The following NR5A1 variants were observed in gnomAD, a reference collection of about 807,000 sequenced individuals.
NR5A1 encodes the protein steroidogenic factor 1.
In NR5A1, 6 loss-of-function variants were observed where a neutral mutation model predicts 42.7. The ratio of observed to expected loss-of-function variants is 0.14; its 90% confidence interval spans 0.08 to 0.28. The LOEUF (loss-of-function observed/expected upper bound fraction) is 0.28. Among genes scored for constraint, NR5A1 ranks in the 10% least tolerant of loss-of-function variants. The probability of loss-of-function intolerance (pLI) is 1.00; values close to 1 mark genes in which losing one functional copy is unlikely to be tolerated. For missense variants in NR5A1, 442 were observed against 626.4 expected, an observed-to-expected ratio of 0.71 and a Z score of 3.14; for synonymous variants, 274 against 277.5, an observed-to-expected ratio of 0.99 and a Z score of 0.12.
At chr9:124,504,029 AGAGAGAGAGAGAGAGAGAGAGAC>A (rs1226398798) in intron 1 of NR5A1, among the ~76,000 whole-genome samples, 2 of 130,366 alleles carry the variant, frequency 1.5e-5, no homozygotes, top group African/African-American at 8.3e-5. Context: ...GGAGACAGAG[AGAGAGAGAGAGAGAGAGAGAGAC>A]GAGAGAGAGA....
In NR5A1 at chr9:124,503,075, G is replaced by T; in HGVS notation, c.244+4C>A. ...TCAGGGGTCGAGGCCCGCGCGGCGC[G>T]CACCTTCCAGGCGCATCCCCACCGT... On this transcript the variant is annotated splice_donor_region_variant and intron_variant, in intron 3 of 6. Coordinates refer to ENST00000373588, the MANE Select transcript of NR5A1 (RefSeq NM_004959.5). The surrounding 1 kb of genome is among the most constrained non-coding windows in gnomAD (Gnocchi z 9.6). 6.4e-7 allele frequency: 1 copy of T among 1,572,024 alleles called. No homozygotes were observed. Among genetic ancestry groups the T allele is most frequent in the Non-Finnish European group, 8.6e-7 (1 of 1,162,366 alleles).
chr9:124,493,190 G>C (rs765216676), intron 4 of NR5A1, 41 bp from the exon 5 acceptor site: 2 of 1,596,710 alleles, frequency 1.3e-6, no homozygotes, highest in Middle Eastern at 1.7e-4. Flanking sequence ...CTCCAGCCAG[G>C]GTCCAGGGAC....
chr9:124,500,196 C>T lies in NR5A1; in HGVS notation c.764G>A (p.Arg255His), dbSNP rs104894118. 18 of 1,609,834 alleles carry T rather than the reference C, an allele frequency of 1.1e-5. No individual in the cohort carries two copies. The highest frequency in any genetic ancestry group is 5.3e-5 in the African/African-American group (4 of 74,846). ...LGCLQEPTKSRPDQPAAFGLL... is the reference protein window; with the variant it reads ...LGCLQEPTKSHPDQPAAFGLL... ...GCCGAAGGCCGCCGGCTGGTCGGGG[C>T]GGCTTTTGGTGGGCTCCTGCAGGCA... Residue 255 changes from arginine to histidine, a missense_variant, in exon 4 of 7, where the codon CGC becomes CAC. Arg to His is a conservative substitution (Grantham distance 29, BLOSUM62 0). Around this residue, in one of 3 missense-constraint regions of NR5A1, gnomAD observed 208 missense variants for 203.8 expected, o/e 1.02. Coordinates refer to ENST00000373588, the MANE Select transcript of NR5A1 (RefSeq NM_004959.5). This position sits in a 1 kb window ranked among gnomAD's most constrained non-coding sequence, Gnocchi z 6.9.
At chr9:124,492,050 CG>C (rs1018301842) in intron 5 of NR5A1, among the ~76,000 whole-genome samples, 6 of 152,148 alleles carry the variant, frequency 3.9e-5, no homozygotes, top group Non-Finnish European at 7.4e-5. Flanking sequence ...CCTCCTGCCC[CG>C]ATGGCCTGTG....
At chr9:124,491,041 C>G in intron 6 of NR5A1, 40 bp downstream of exon 6, 1 of 1,509,668 alleles carries the variant, frequency 6.6e-7, no homozygotes, top group Non-Finnish European at 8.9e-7. Flanking sequence ...CCACCCGCCT[C>G]TGGCTGTCTC....
intron 4 of NR5A1, among the ~76,000 whole-genome samples, chr9:124,499,410 C>T (rs944254012): frequency 6.6e-6 from 1 of 152,216 alleles, no homozygotes; most frequent in African/African-American, 2.4e-5. Flanking sequence ...AATCCCCCAC[C>T]CACCTACCTA....
intron 3 of NR5A1, 123 bp downstream of exon 3, chr9:124,502,956 T>G: frequency 7.6e-7 from 1 of 1,316,220 alleles, no homozygotes; most frequent in Non-Finnish European, 1.0e-6. Flanking sequence ...GACTGGGCCC[T>G]AATGTCGCAC....
rs866181841 is a variant in NR5A1, at chr9:124,496,321, G to A, written c.871-3172C>T. On this transcript the variant is annotated intron_variant, in intron 4 of 6. Transcript: ENST00000373588. This position sits in a 1 kb window ranked among gnomAD's most constrained non-coding sequence, Gnocchi z 5.0. ...CAGAGAGGGTTGGTTTTCACTTTCCGAAGTTTCCTCCCTAAGCTAAAGGCT... is the reference window on the plus strand; with the variant it reads ...CAGAGAGGGTTGGTTTTCACTTTCCAAAGTTTCCTCCCTAAGCTAAAGGCT... Among the ~76,000 whole-genome samples the A allele has an allele frequency of 1.1e-4, 17 of 152,236 alleles. 1 individual carries two copies. Among genetic ancestry groups the A allele is most frequent in the Middle Eastern group, 3.4e-3 (1 of 294 alleles).
chr9:124,487,937 C>T (rs1487979149), intron 6 of NR5A1, among the ~76,000 whole-genome samples: 1 of 152,184 alleles, frequency 6.6e-6, no homozygotes, highest in Non-Finnish European at 1.5e-5. Context: ...TGATAAAATG[C>T]GAATTTCATC....
intron 6 of NR5A1, 53 bp downstream of exon 6, chr9:124,491,028 C>CCCCCCCCCCCCCCCCGGGGGGGGG: frequency 9.7e-7 from 1 of 1,031,966 alleles, no homozygotes; most frequent in South Asian, 1.4e-5. Flanking sequence ...CCCACCCTCC[C>CCCCCCCCCCCCCCCCGGGGGGGGG]ACCCACCCGC....
intron 6 of NR5A1, among the ~76,000 whole-genome samples, chr9:124,489,924 C>T (rs564729203): frequency 6.6e-6 from 1 of 152,260 alleles, no homozygotes; most frequent in East Asian, 1.9e-4. Context: ...GTCACCAATC[C>T]CACCCAAGCA....
intron 1 of NR5A1, among the ~76,000 whole-genome samples, chr9:124,504,024 C>CAGAGAGAGAGGGAGAGAG (rs1832509191): frequency 9.4e-6 from 1 of 105,910 alleles, no homozygotes; most frequent in African/African-American, 5.9e-5. Flanking sequence ...GACAGGGAGA[C>CAGAGAGAGAGGGAGAGAG]AGAGAGAGAG....
intron 6 of NR5A1, among the ~76,000 whole-genome samples, chr9:124,484,732 C>T (rs1238716368): frequency 4.6e-5 from 7 of 151,140 alleles, no homozygotes; most frequent in Non-Finnish European, 8.8e-5. Flanking sequence ...CCAGCCTGGG[C>T]AACAGAGCAA....
chr9:124,488,927 C>A (rs1226605459), intron 6 of NR5A1, among the ~76,000 whole-genome samples: 1 of 152,258 alleles, frequency 6.6e-6, no homozygotes, highest in Non-Finnish European at 1.5e-5. Flanking sequence ...AGCACTGGAG[C>A]CTCTCCCACC....
In NR5A1 at chr9:124,482,394, G is replaced by A. The variant is rs76802269; in HGVS notation, c.*364C>T. ...AGGAAGGGATGACCTCTGATCCAAG[G>A]GACGTCGAGGCCCACCAGGGAATCC... On this transcript the variant is annotated 3_prime_UTR_variant, in exon 7 of 7. Transcript: ENST00000373588. The A allele has an allele frequency of 6.7e-4, 240 of 360,422 alleles. 1 individual carries two copies. Among genetic ancestry groups the A allele is most frequent in the African/African-American group, 4.8e-3 (227 of 47,436 alleles). 22.3% of individuals were successfully genotyped at this position (360,422 alleles called of 1,614,324 possible).
At chr9:124,497,323 G>C (rs1357665162) in intron 4 of NR5A1, among the ~76,000 whole-genome samples, 1 of 152,248 alleles carries the variant, frequency 6.6e-6, no homozygotes, top group Non-Finnish European at 1.5e-5. Context: ...GTAAGTGACA[G>C]AGCTGGAACT....
chr9:124,502,907 C>G (rs1008113509), intron 3 of NR5A1, among the ~76,000 whole-genome samples, 172 bp downstream of exon 3: 1 of 152,238 alleles, frequency 6.6e-6, no homozygotes, highest in Non-Finnish European at 1.5e-5. Flanking sequence ...CTTCCCCGCC[C>G]GAGGCCCACC....
intron 6 of NR5A1, among the ~76,000 whole-genome samples, chr9:124,483,983 G>A (rs1832170031): frequency 6.6e-6 from 1 of 152,192 alleles, no homozygotes; most frequent in Non-Finnish European, 1.5e-5. Context: ...TCGTAAGTCA[G>A]AAGGCATTTA....
chr9:124,491,374 G>A (rs988258882), intron 5 of NR5A1, 146 bp from the exon 6 acceptor site: 37 of 652,816 alleles, frequency 5.7e-5, no homozygotes, highest in East Asian at 5.4e-5. Context: ...CCTTGGTGCC[G>A]AGCCAGGCAC....
Sources: allele counts gnomAD v4.1 joint callset (sites outside exome capture counted in the v4.1 genomes callset), GRCh38; gene constraint gnomAD v4.1.1; regional missense constraint gnomAD v4.1.1; non-coding constraint Gnocchi (gnomAD v3.1); transcripts MANE v1.5; gene names NCBI Gene and HGNC (gene_info 2026-07-23, HGNC 2026-07-21).